Variants in PCDH9 observed in about 807,000 individuals in gnomAD.
PCDH9 encodes protocadherin-9.
PCDH9 carries 24 observed loss-of-function variants against 70.6 expected under a neutral mutation model. The ratio of observed to expected loss-of-function variants is 0.34; its 90% CI spans 0.25 to 0.48. The LOEUF (loss-of-function observed/expected upper bound fraction) is 0.48. Among genes scored for constraint, PCDH9 ranks in the 20% least tolerant of loss-of-function variants. The pLI is 0.99. For synonymous variants in PCDH9, 562 were observed against 558.5 expected (o/e 1.01, Z -0.09); for missense variants, 1,281 against 1,503.6 (o/e 0.85, Z 2.45).
intron 4 of PCDH9, among the ~76,000 whole-genome samples, chr13:66,483,679 C>T (rs1014210860): frequency 4.6e-5 from 7 of 152,098 alleles, no homozygotes; most frequent in Admixed American, 6.6e-5. Flanking sequence ...GAGCATGGTC[C>T]CTTTAAGTGA....
chr13:66,685,128 A>C (rs910788228), intron 3 of PCDH9, among the ~76,000 whole-genome samples: 4 of 152,160 alleles, frequency 2.6e-5, no homozygotes, highest in Non-Finnish European at 5.9e-5. Context: ...AATGGGGAAA[A>C]TGTCTCCAGG....
At chr13:66,552,736 T>A (rs1213801642) in intron 4 of PCDH9, among the ~76,000 whole-genome samples, 1 of 152,068 alleles carries the variant, frequency 6.6e-6, no homozygotes, top group Non-Finnish European at 1.5e-5. Flanking sequence ...GGTCTGGAGA[T>A]TTAATATTTT....
intron 2 of PCDH9, among the ~76,000 whole-genome samples, chr13:67,182,192 AT>A (rs2138486122): frequency 6.6e-6 from 1 of 152,270 alleles, no homozygotes; most frequent in East Asian, 1.9e-4. Flanking sequence ...TAATATTTCT[AT>A]TTAGATGCCT....
At chr13:66,887,105 T>C (rs1212974597) in intron 3 of PCDH9, among the ~76,000 whole-genome samples, 2 of 150,348 alleles carry the variant, frequency 1.3e-5, no homozygotes, top group East Asian at 3.9e-4. Flanking sequence ...ATTCATTAAA[T>C]TATTCCAGAA....
At chr13:66,846,507 T>A (rs1329803486) in intron 3 of PCDH9, among the ~76,000 whole-genome samples, 1 of 152,156 alleles carries the variant, frequency 6.6e-6, no homozygotes, top group Non-Finnish European at 1.5e-5. Flanking sequence ...TTCTTTCATA[T>A]TTTTAAAAAC....
At chr13:66,504,436 T>A (rs1358099497) in intron 4 of PCDH9, among the ~76,000 whole-genome samples, 1 of 152,126 alleles carries the variant, frequency 6.6e-6, no homozygotes, top group Admixed American at 6.5e-5. Flanking sequence ...GTCATCATAG[T>A]CCCCAAAGTT....
intron 3 of PCDH9, among the ~76,000 whole-genome samples, chr13:66,702,106 C>A (rs897468953): frequency 2.0e-5 from 3 of 152,172 alleles, no homozygotes; most frequent in African/African-American, 7.2e-5. Context: ...ATAGGCAATA[C>A]ACACTTGCAA....
chr13:66,933,909 G>A (rs1450491596), intron 2 of PCDH9, among the ~76,000 whole-genome samples: 3 of 148,324 alleles, frequency 2.0e-5, no homozygotes, highest in Non-Finnish European at 4.5e-5. Context: ...AAAAAAAAAG[G>A]GGGCGGGGGG....
chr13:66,806,502 T>C (rs1370899675), intron 3 of PCDH9, among the ~76,000 whole-genome samples: 1 of 137,252 alleles, frequency 7.3e-6, no homozygotes, highest in Admixed American at 7.7e-5. Flanking sequence ...TGGCTATGTA[T>C]GATTACCTTT....
intron 3 of PCDH9, among the ~76,000 whole-genome samples, chr13:66,841,778 G>A (rs1038571758): frequency 4.6e-5 from 7 of 152,152 alleles, no homozygotes; most frequent in Non-Finnish European, 1.0e-4. Flanking sequence ...ATGAAAAATG[G>A]AGGGTTTAAC....
At chr13:66,558,173 A>G (rs1435606237) in intron 4 of PCDH9, among the ~76,000 whole-genome samples, 1 of 152,142 alleles carries the variant, frequency 6.6e-6, no homozygotes, top group Admixed American at 6.5e-5. Flanking sequence ...ACAAACAAAC[A>G]AAAGCCAGCT....
At chr13:67,090,042 A>T (rs904329624) in intron 2 of PCDH9, among the ~76,000 whole-genome samples, 1 of 152,050 alleles carries the variant, frequency 6.6e-6, no homozygotes, top group Non-Finnish European at 1.5e-5. Flanking sequence ...GTCATTCAAA[A>T]TCAACCTTAG....
intron 3 of PCDH9, among the ~76,000 whole-genome samples, chr13:66,887,769 T>C (rs1054659376): frequency 5.9e-5 from 9 of 152,196 alleles, no homozygotes; most frequent in African/African-American, 2.2e-4. Flanking sequence ...TAGGCACTAA[T>C]TTAGAAGTTA....
At chr13:66,415,468 A>T in intron 4 of PCDH9, among the ~76,000 whole-genome samples, 1 of 152,216 alleles carries the variant, frequency 6.6e-6, no homozygotes, top group East Asian at 1.9e-4. Flanking sequence ...TTGTGTGTCA[A>T]TTCCCACAGC....
chr13:66,983,055 G>A (rs551876412), intron 2 of PCDH9, among the ~76,000 whole-genome samples: 2 of 152,284 alleles, frequency 1.3e-5, no homozygotes, highest in South Asian at 4.1e-4. Context: ...CTATAGGGGA[G>A]TCCCACTCAG....
chr13:66,460,093 A>T (rs1477941469), intron 4 of PCDH9, among the ~76,000 whole-genome samples: 1 of 151,856 alleles, frequency 6.6e-6, no homozygotes, highest in Non-Finnish European at 1.5e-5. Context: ...CTTAAATTTT[A>T]CATGCTTTGT....
chr13:66,362,496 C>T (rs1482876471), intron 4 of PCDH9, among the ~76,000 whole-genome samples: 1 of 152,102 alleles, frequency 6.6e-6, no homozygotes, highest in Non-Finnish European at 1.5e-5. Flanking sequence ...ATGTGTGACT[C>T]ACACATTTTT....
At chr13:66,393,252 G>T (rs1203069701) in intron 4 of PCDH9, among the ~76,000 whole-genome samples, 1 of 151,700 alleles carries the variant, frequency 6.6e-6, no homozygotes, top group East Asian at 1.9e-4. Context: ...GGTATTTCAT[G>T]TCTACAAGTA....
chr13:66,423,487 A>C (rs2138355288), intron 4 of PCDH9, among the ~76,000 whole-genome samples: 1 of 152,322 alleles, frequency 6.6e-6, no homozygotes, highest in South Asian at 2.1e-4. Flanking sequence ...ACCACAATCA[A>C]GTCAGCTTCA....
Sources: allele counts gnomAD v4.1 joint callset (sites outside exome capture counted in the v4.1 genomes callset), GRCh38; gene constraint gnomAD v4.1.1; transcripts MANE v1.5; gene names NCBI Gene and HGNC (gene_info 2026-07-23, HGNC 2026-07-21).